The following IPO11 variants were observed in gnomAD, a reference collection of about 807,000 sequenced individuals.
IPO11 encodes importin 11.
In IPO11, 66 loss-of-function variants were observed where a neutral mutation model predicts 143.2. The ratio of observed to expected loss-of-function variants is 0.46; its 90% CI spans 0.38 to 0.57. IPO11 has a LOEUF of 0.57. IPO11 is among the 20% of genes least tolerant of loss of function. The pLI is 0.00. For missense variants in IPO11, 1,026 were observed against 1,141.0 expected, an observed-to-expected ratio of 0.90 and a Z score of 1.45; for synonymous variants, 385 against 377.8, an observed-to-expected ratio of 1.02 and a Z score of -0.22.
intron 16 of IPO11, among the ~76,000 whole-genome samples, chr5:62,503,494 G>A (rs1268155159): frequency 1.3e-5 from 2 of 151,384 alleles, no homozygotes; most frequent in African/African-American, 4.9e-5. Flanking sequence ...TGTAAGATCT[G>A]TATGGGCATG....
intron 29 of IPO11, among the ~76,000 whole-genome samples, chr5:62,608,678 C>G (rs1424927112): frequency 6.6e-6 from 1 of 152,092 alleles, no homozygotes; most frequent in Non-Finnish European, 1.5e-5. Context: ...TATGCCGTGT[C>G]CCCCACATAG....
chr5:62,579,616 G>C, intron 27 of IPO11: 1 of 1,550,892 alleles, frequency 6.4e-7, no homozygotes, highest in African/African-American at 1.4e-5. Flanking sequence ...GAATTTTCCT[G>C]AAAGTACAGT....
intron 1 of IPO11, among the ~76,000 whole-genome samples, chr5:62,417,668 C>T (rs1743349077): frequency 1.3e-5 from 2 of 152,190 alleles, no homozygotes; most frequent in African/African-American, 2.4e-5. Context: ...GAAATAAGGA[C>T]TTCAATGCAC....
Position 62,628,400 on chromosome 5 carries a change from A to T in IPO11, c.*1082A>T, listed in dbSNP as rs1267688795. 4 of 152,640 alleles carry T rather than the reference A, an allele frequency of 2.6e-5. No homozygotes were observed. The highest frequency in any genetic ancestry group is 4.4e-5 in the Non-Finnish European group (3 of 68,030). 9.5% of individuals were successfully genotyped at this position (152,640 alleles called of 1,614,324 possible). A position where few individuals can be genotyped will look rare whatever the true frequency, so the allele number is the denominator to read the frequency against. On this transcript the variant is annotated 3_prime_UTR_variant, in exon 30 of 30. Transcript: ENST00000325324. ...AGGAAACTTTAAAGCATTTTTTAGGAAATACTCAAAAGCAAGGTTGGAAAA... is the reference window on the plus strand; with the variant it reads ...AGGAAACTTTAAAGCATTTTTTAGGTAATACTCAAAAGCAAGGTTGGAAAA...
rs917082818 is a variant in IPO11, at chr5:62,537,275, G to A, written c.2236G>A (p.Val746Ile). Residue 746 changes from valine to isoleucine, a missense_variant, in exon 24 of 30, where the codon GTT becomes ATT. By Grantham distance (29) the Val-to-Ile change is conservative. This residue lies in a region of IPO11 where 351 missense variants were observed against 358.9 expected (regional missense o/e 0.98). Transcript: ENST00000325324. ...AAAGGAAATTACTACAGAAGGTCAA[G>A]TTCAGGTGCTCAAGGTATTGTGATC... ...LLKEITTEGQ[V>I]QVLKVVENAL... 6 of 1,593,586 alleles carry A rather than the reference G, an allele frequency of 3.8e-6. No homozygotes were observed. The Admixed American group carries it at 5.0e-5, about 13-fold the overall frequency.
chr5:62,467,068 G>T, intron 5 of IPO11, 63 bp from the exon 6 acceptor site: 1 of 1,420,978 alleles, frequency 7.0e-7, no homozygotes, highest in Non-Finnish European at 9.6e-7. Context: ...TTACTTTGTA[G>T]TTCTAATGTA....
chr5:62,571,063 A>G (rs32154), intron 27 of IPO11, among the ~76,000 whole-genome samples: 108,354 of 152,140 alleles, frequency 0.71, 39,276 homozygotes, highest in African/African-American at 0.85. Context: ...GGAGTAAAAT[A>G]ATGAGTCTCG....
chr5:62,539,703 C>T (rs1384668819), intron 24 of IPO11, among the ~76,000 whole-genome samples: 1 of 152,164 alleles, frequency 6.6e-6, no homozygotes, highest in South Asian at 2.1e-4. Context: ...TCTCCTAGCT[C>T]CAAAGCTTAC....
chr5:62,464,591 C>T (rs1027139044), intron 5 of IPO11, among the ~76,000 whole-genome samples: 2 of 152,054 alleles, frequency 1.3e-5, no homozygotes, highest in Admixed American at 1.3e-4. Context: ...ATCCTCCCGC[C>T]ATAGCTCCCC....
At chr5:62,435,527 C>G (rs1172737682) in intron 1 of IPO11, among the ~76,000 whole-genome samples, 1 of 151,882 alleles carries the variant, frequency 6.6e-6, no homozygotes, top group Non-Finnish European at 1.5e-5. Context: ...GAGATCGCGG[C>G]TGCCGTGAGC....
intron 21 of IPO11, among the ~76,000 whole-genome samples, chr5:62,529,260 G>A (rs1484725459): frequency 6.6e-6 from 1 of 151,824 alleles, no homozygotes; most frequent in Non-Finnish European, 1.5e-5. Context: ...AATGAATACT[G>A]GTAAGCAGGC....
Position 62,591,660 on chromosome 5 carries a change from G to A in IPO11, c.2666G>A (p.Gly889Glu). Residue 889 changes from glycine to glutamate, a missense_variant, in exon 28 of 30, where the codon GGA (glycine) becomes GAA (glutamate). Gly to Glu is a moderately conservative substitution (Grantham distance 98). Coordinates refer to ENST00000325324, the MANE Select transcript of IPO11 (RefSeq NM_016338.5). ...HDVMTEDPET[G>E]TYKDCMLMSH... ...GTCATGACGGAAGATCCTGAAACAG[G>A]AACTTATAAAGAGTAGGTGCATTAT... is the stretch of plus-strand genomic sequence containing the variant. 1.2e-6 allele frequency: 2 copies of A among 1,602,866 alleles called. No individual in the cohort carries two copies. Among genetic ancestry groups the A allele is most frequent in the Non-Finnish European group, 1.7e-6 (2 of 1,174,124 alleles).
intron 16 of IPO11, among the ~76,000 whole-genome samples, chr5:62,501,940 A>T (rs369958709): frequency 1.3e-5 from 2 of 152,270 alleles, no homozygotes; most frequent in South Asian, 4.1e-4. Flanking sequence ...CACCATGCTC[A>T]CTGTTTTAGT....
Position 62,490,209 on chromosome 5 carries a change from C to A in IPO11, c.1452C>A (p.Val484=). The A allele has an allele frequency of 1.3e-6, 2 of 1,592,460 alleles. No individual in the cohort carries two copies. Among genetic ancestry groups the A allele is most frequent in the South Asian group, 2.3e-5 (2 of 87,414 alleles). Reference sequence around the variant, plus strand: ...ACCAGCTTCTTCCAGAATTACAAGTCATTCACAATAGGCAAGTATAAAATT... The same window carrying A: ...ACCAGCTTCTTCCAGAATTACAAGTAATTCACAATAGGCAAGTATAAAATT... The part of the protein sequence containing the change: ...FKNQLLPELQ[V]IHNRYKPLRR... The change falls in exon 15 of 30, where the codon GTC becomes GTA. Residue 484 remains valine (V), a synonymous_variant. Coordinates refer to ENST00000325324, the MANE Select transcript of IPO11 (RefSeq NM_016338.5).
At chr5:62,567,861 T>G (rs2112378575) in intron 27 of IPO11, among the ~76,000 whole-genome samples, 1 of 150,188 alleles carries the variant, frequency 6.7e-6, no homozygotes, top group East Asian at 2.0e-4. Context: ...CGCACCCCGC[T>G]ACATTTGCTC....
intron 19 of IPO11, among the ~76,000 whole-genome samples, chr5:62,513,622 C>T: frequency 6.9e-6 from 1 of 145,418 alleles, no homozygotes; most frequent in Non-Finnish European, 1.5e-5. Flanking sequence ...TCCTCACTTC[C>T]CAGTAGGGGC....
At chr5:62,441,000 G>A (rs983670153) in intron 2 of IPO11, among the ~76,000 whole-genome samples, 3 of 151,890 alleles carry the variant, frequency 2.0e-5, no homozygotes, top group Non-Finnish European at 4.4e-5. Flanking sequence ...CTATAGCAAA[G>A]GACATACTTC....
chr5:62,614,624 C>T (rs755947712), intron 29 of IPO11, among the ~76,000 whole-genome samples: 1 of 152,190 alleles, frequency 6.6e-6, no homozygotes, highest in Non-Finnish European at 1.5e-5. Flanking sequence ...CAGGTAGGTG[C>T]AGGAGCCAGG....
intron 16 of IPO11, among the ~76,000 whole-genome samples, chr5:62,497,173 T>C (rs1741185579): frequency 6.6e-6 from 1 of 152,246 alleles, no homozygotes; most frequent in African/African-American, 2.4e-5. Context: ...AGACTGGCTG[T>C]GACGGAGTAG....
Sources: allele counts gnomAD v4.1 joint callset (sites outside exome capture counted in the v4.1 genomes callset), GRCh38; gene constraint gnomAD v4.1.1; regional missense constraint gnomAD v4.1.1; transcripts MANE v1.5; gene names NCBI Gene and HGNC (gene_info 2026-07-23, HGNC 2026-07-21).